The following FHOD3 variants were observed in gnomAD, a reference collection of about 807,000 sequenced individuals.
FHOD3 encodes the protein FH1/FH2 domain-containing protein 3.
A neutral mutation model predicts 173.0 loss-of-function variants in FHOD3; 90 were observed. That is an observed-to-expected ratio of 0.52 (90% confidence interval 0.44 to 0.62). The LOEUF (loss-of-function observed/expected upper bound fraction) is 0.62, where lower values mean the gene tolerates loss of function less well. Among genes scored for constraint, FHOD3 ranks in the 20% least tolerant of loss-of-function variants. The pLI, the probability that FHOD3 is intolerant of heterozygous loss-of-function variation, is 0.00. For synonymous variants in FHOD3, 828 were observed against 823.0 expected (o/e 1.01, Z -0.10); for missense variants, 1,945 against 2,034.7 (o/e 0.96, Z 0.85).
chr18:36,318,127 C>A (rs765243025), intron 1 of FHOD3, among the ~76,000 whole-genome samples: 44 of 147,796 alleles, frequency 3.0e-4, no homozygotes, highest in Non-Finnish European at 5.9e-4. Context: ...GTTACTATAG[C>A]CTTGTAGTAT....
intron 9 of FHOD3, among the ~76,000 whole-genome samples, chr18:36,621,871 G>C (rs1037323671): frequency 6.6e-6 from 1 of 152,208 alleles, no homozygotes; most frequent in African/African-American, 2.4e-5. Flanking sequence ...TCAGGATTTT[G>C]GAGAAATATT....
chr18:36,451,501 G>A (rs1026977108), intron 3 of FHOD3, among the ~76,000 whole-genome samples: 27 of 152,202 alleles, frequency 1.8e-4, no homozygotes, highest in Admixed American at 1.8e-3. Context: ...CTGCCAGAGG[G>A]CAACATCCAA....
Position 36,448,433 on chromosome 18 carries a change from G to T in FHOD3, c.338-53499G>T, listed in dbSNP as rs115641058. ...TTAACAATCAAGCCCTATTCTGCAG[G>T]CCCCCACCAGCCCTGCCCTGCCCTG... On this transcript the variant is annotated intron_variant, in intron 3 of 28. Transcript: ENST00000590592. Among the ~76,000 whole-genome samples the T allele has an allele frequency of 6.1e-3, 932 of 152,060 alleles. 5 individuals carry two copies. Among genetic ancestry groups the T allele is most frequent in the African/African-American group, 0.018 (739 of 41,476 alleles).
chr18:36,371,144 T>C (rs545840734), intron 2 of FHOD3, among the ~76,000 whole-genome samples: 4 of 152,296 alleles, frequency 2.6e-5, no homozygotes, highest in African/African-American at 4.8e-5. Context: ...ATGGAGGGGC[T>C]CATTGAATTT....
chr18:36,434,409 A>T (rs1240497692), intron 3 of FHOD3, among the ~76,000 whole-genome samples: 1 of 152,064 alleles, frequency 6.6e-6, no homozygotes, highest in African/African-American at 2.4e-5. Context: ...ATTCTGTTCT[A>T]TTGCTCTGTG....
chr18:36,649,832 A>T (rs1025059175), intron 11 of FHOD3, among the ~76,000 whole-genome samples: 1 of 152,218 alleles, frequency 6.6e-6, no homozygotes, highest in African/African-American at 2.4e-5. Context: ...ATGTGTGGAT[A>T]ACTACTATAT....
At chr18:36,717,776 C>T in intron 18 of FHOD3, 56 bp from the exon 19 acceptor site, 1 of 1,515,176 alleles carries the variant, frequency 6.6e-7, no homozygotes. Flanking sequence ...TCGATTCTCT[C>T]ATGGAAGTGA....
intron 4 of FHOD3, among the ~76,000 whole-genome samples, chr18:36,503,894 C>T (rs2055163357): frequency 6.6e-6 from 1 of 152,154 alleles, no homozygotes. Context: ...TAAGGCATGC[C>T]CTTTCTGTTC....
chr18:36,538,724 A>G (rs1037869346), intron 5 of FHOD3, among the ~76,000 whole-genome samples: 1 of 152,216 alleles, frequency 6.6e-6, no homozygotes, highest in Non-Finnish European at 1.5e-5. Flanking sequence ...CAACAGTATT[A>G]TAGAGGTGAA....
At chr18:36,388,933 C>T (rs934633650) in intron 3 of FHOD3, among the ~76,000 whole-genome samples, 5 of 152,196 alleles carry the variant, frequency 3.3e-5, no homozygotes, top group African/African-American at 9.7e-5. Context: ...GGGCTGGGCT[C>T]TCTCCAGCTT....
In FHOD3 at chr18:36,537,144, G is replaced by A. The variant is rs571689060; in HGVS notation, c.511+24601G>A. 8.3e-4 allele frequency among the ~76,000 whole-genome samples: 127 copies of A among 152,218 alleles called. 1 individual carries two copies. Among genetic ancestry groups the A allele is most frequent in the African/African-American group, 2.6e-3 (106 of 41,536 alleles). On this transcript the variant is annotated intron_variant, in intron 5 of 28. Transcript: ENST00000590592. ...GTGTAGCTTCCAGGTAGTCAGTATG[G>A]CCTGTCTCCACTCCAAACAGGACAC...
intron 18 of FHOD3, among the ~76,000 whole-genome samples, chr18:36,712,420 T>C (rs574903236): frequency 1.3e-5 from 2 of 151,202 alleles, no homozygotes; most frequent in Non-Finnish European, 2.9e-5. Context: ...ATAAAAGATA[T>C]TAAAAAGAAC....
At chr18:36,579,520 G>A (rs1397812438) in intron 6 of FHOD3, among the ~76,000 whole-genome samples, 1 of 152,144 alleles carries the variant, frequency 6.6e-6, no homozygotes, top group African/African-American at 2.4e-5. Context: ...CTAAATTTTT[G>A]TGGTGTAAAC....
intron 14 of FHOD3, among the ~76,000 whole-genome samples, chr18:36,663,879 C>T (rs1351668808): frequency 6.6e-6 from 1 of 152,222 alleles, no homozygotes; most frequent in Non-Finnish European, 1.5e-5. Context: ...TGTCTATTCC[C>T]TATGAATCCA....
intron 3 of FHOD3, among the ~76,000 whole-genome samples, chr18:36,399,553 T>A (rs555054026): frequency 9.0e-4 from 137 of 152,280 alleles, no homozygotes; most frequent in Admixed American, 1.8e-3. Context: ...TCTTGGTGGG[T>A]GACCCTGAGG....
In FHOD3 at chr18:36,612,490, G is replaced by A. The variant is rs199618376; in HGVS notation, c.957+395G>A. ...TCAGGCAGGGCCAGATACATGATTTGTAGCAACCAATGCAAAACGAAAATG... is the reference window on the plus strand; with the variant it reads ...TCAGGCAGGGCCAGATACATGATTTATAGCAACCAATGCAAAACGAAAATG... On this transcript the variant is annotated intron_variant, in intron 9 of 28. Transcript: ENST00000590592. Among the ~76,000 whole-genome samples, 4 of 152,230 alleles carry A rather than the reference G, an allele frequency of 2.6e-5. No individual in the cohort carries two copies. The East Asian group carries it at 7.7e-4, about 29-fold the overall frequency.
At chr18:36,348,123 C>T (rs2045953033) in intron 1 of FHOD3, among the ~76,000 whole-genome samples, 1 of 152,188 alleles carries the variant, frequency 6.6e-6, no homozygotes, top group South Asian at 2.1e-4. Flanking sequence ...ACATGTGGCA[C>T]TGCTTGTTGG....
chr18:36,310,729 T>C (rs1334117626), intron 1 of FHOD3, among the ~76,000 whole-genome samples: 1 of 149,266 alleles, frequency 6.7e-6, no homozygotes, highest in Non-Finnish European at 1.5e-5. Flanking sequence ...AAATGTCAAC[T>C]TGGGAAAAAT....
chr18:36,512,601 C>A, intron 5 of FHOD3, 58 bp downstream of exon 5: 1 of 1,249,082 alleles, frequency 8.0e-7, no homozygotes, highest in Non-Finnish European at 1.2e-6. Context: ...TCTGGGTTCA[C>A]CTTCAGGAAC....
Sources: allele counts gnomAD v4.1 joint callset (sites outside exome capture counted in the v4.1 genomes callset), GRCh38; gene constraint gnomAD v4.1.1; transcripts MANE v1.5; gene names NCBI Gene and HGNC (gene_info 2026-07-23, HGNC 2026-07-21).